ZNF74: variants seen among roughly 807,000 people sequenced by gnomAD.
The protein encoded by ZNF74 is zinc finger protein 74.
Under a neutral mutation model 17.7 loss-of-function variants are expected in ZNF74, and 12 were observed. That is an observed-to-expected ratio of 0.68 (90% CI 0.43 to 1.10). The LOEUF (loss-of-function observed/expected upper bound fraction) is 1.10. ZNF74 is among the 50% of genes least tolerant of loss of function. The probability of loss-of-function intolerance (pLI) is 0.00; values close to 1 mark genes in which losing one functional copy is unlikely to be tolerated. For synonymous variants in ZNF74, 358 were observed against 362.1 expected, an observed-to-expected ratio of 0.99 and a Z score of 0.13; for missense variants, 811 against 881.0, an observed-to-expected ratio of 0.92 and a Z score of 1.01.
rs1251232817 is a variant in ZNF74 at position 20,401,545 on chromosome 22, G to A, written c.343+173G>A. 1.3e-5 allele frequency among the ~76,000 whole-genome samples: 2 copies of A among 152,198 alleles called. No homozygotes were observed. The highest frequency in any genetic ancestry group is 2.4e-5 in the African/African-American group (1 of 41,444). ...AGCACGTACTGAGCACTGCCTGTGTGCTGAGACCTGTTCTGGGATACAACA... is the reference window on the plus strand; with the variant it reads ...AGCACGTACTGAGCACTGCCTGTGTACTGAGACCTGTTCTGGGATACAACA... On this transcript the variant is annotated intron_variant, in intron 4 of 4. Transcript: ENST00000400451. The surrounding 1 kb of genome is among the most constrained non-coding windows in gnomAD (Gnocchi z 4.2).
intron 4 of ZNF74, among the ~76,000 whole-genome samples, chr22:20,403,264 G>C (rs2052378768): frequency 1.3e-5 from 2 of 150,866 alleles, no homozygotes; most frequent in Admixed American, 1.3e-4. Flanking sequence ...CTGCAGCCCT[G>C]TGTCACTGAC....
chr22:20,397,329 AT>A (rs2146090589), intron 2 of ZNF74, among the ~76,000 whole-genome samples: 1 of 152,140 alleles, frequency 6.6e-6, no homozygotes, highest in African/African-American at 2.4e-5. Flanking sequence ...TGTTCTCAGC[AT>A]TTGTCCTCAT....
chr22:20,397,145 T>C (rs529953104), intron 2 of ZNF74, among the ~76,000 whole-genome samples: 3 of 151,482 alleles, frequency 2.0e-5, no homozygotes, highest in Non-Finnish European at 4.4e-5. Flanking sequence ...GGCACAATCA[T>C]AGCTCACTGC....
In ZNF74 at chr22:20,394,950, G is replaced by A. The variant is rs1184441188; in HGVS notation, c.34+288G>A. On this transcript the variant is annotated intron_variant, in intron 1 of 4. Coordinates refer to ENST00000400451, the MANE Select transcript of ZNF74 (RefSeq NM_003426.4). The stretch of plus-strand genomic sequence containing the variant: ...TAATGTTTGTATTTTTAGTAGAGAC[G>A]GGGTTTTGCCATGTTTCCCAGGCTG... The A allele has an allele frequency of 1.0e-5, 5 of 480,586 alleles. No individual in the cohort carries two copies. In the East Asian group the frequency reaches 1.5e-4, roughly 14 times the overall value. The allele number at this position is 480,586 out of a possible 1,614,324, so 29.8% of individuals were successfully genotyped here.
intron 4 of ZNF74, among the ~76,000 whole-genome samples, chr22:20,404,712 G>A (rs1296571779): frequency 2.0e-5 from 3 of 152,152 alleles, no homozygotes; most frequent in East Asian, 1.9e-4. Flanking sequence ...CATGCGTCTC[G>A]AGACAGAGAA....
In ZNF74 at chr22:20,394,304, C is replaced by A. The variant is rs1436627164; in HGVS notation, c.-325C>A. 3 of 704,410 alleles carry A rather than the reference C, an allele frequency of 4.3e-6. No homozygotes were observed. Among genetic ancestry groups the A allele is most frequent in the Non-Finnish European group, 5.3e-6 (2 of 380,222 alleles). The allele number at this position is 704,410 out of a possible 1,614,324, so 43.6% of individuals were successfully genotyped here. A position where few individuals can be genotyped will look rare whatever the true frequency, so the allele number is the denominator to read the frequency against. The stretch of plus-strand genomic sequence containing the variant: ...CGTCCGATGGCTCCTGGCCGCGGAA[C>A]CTTAGGCCTGGCCCTGGTCTCCGAG... On this transcript the variant is annotated 5_prime_UTR_variant, in exon 1 of 5. Coordinates refer to ENST00000400451, the MANE Select transcript of ZNF74 (RefSeq NM_003426.4).
In ZNF74 at chr22:20,401,896, ATCAGCGTCAGGGTCAGGGTCAACG is replaced by A. The variant is rs1339625841; in HGVS notation, c.343+531_343+554del. Among the ~76,000 whole-genome samples the A allele has an allele frequency of 4.7e-5, 7 of 147,862 alleles. No homozygotes were observed. The highest frequency in any genetic ancestry group is 3.3e-4 in the Admixed American group (5 of 15,142). On this transcript the variant is annotated intron_variant, in intron 4 of 4. Transcript: ENST00000400451. This position sits in a 1 kb window ranked among gnomAD's most constrained non-coding sequence, Gnocchi z 4.2. ...AGTCAGCATCAGCATTAGGGTCAGC[ATCAGCGTCAGGGTCAGGGTCAACG>A]TCAGCGAGGGCTTCCAGGCTGTGGC...
At position 20,406,452 on chromosome 22, in the gene ZNF74, G is replaced by A; in HGVS notation, c.1419G>A (p.Lys473=). 1 of 1,613,806 alleles carries A rather than the reference G, an allele frequency of 6.2e-7. No individual in the cohort carries two copies. Among genetic ancestry groups the A allele is most frequent in the Non-Finnish European group, 8.5e-7 (1 of 1,179,924 alleles). ...TCCACAGCGGCGAGAAGCCCTTCAA[G>A]TGCAACGAGTGCGGCAAAGCCTTCA... is the stretch of plus-strand genomic sequence containing the variant. ...RRIHSGEKPF[K]CNECGKAFSS... The change falls in exon 5 of 5, where the codon AAG becomes AAA. Residue 473 remains lysine, a synonymous_variant. Transcript: ENST00000400451.
At chr22:20,402,449 A>G (rs1300851499) in intron 4 of ZNF74, among the ~76,000 whole-genome samples, 2 of 152,184 alleles carry the variant, frequency 1.3e-5, no homozygotes, top group Non-Finnish European at 2.9e-5. Context: ...ACGGTTCTCT[A>G]ATAACTGACC....
rs143336262 is a variant in ZNF74 at position 20,406,728 on chromosome 22, C to T, written c.1695C>T (p.Phe565=). The change falls in exon 5 of 5, where the codon TTC becomes TTT. Residue 565 remains phenylalanine (F), a synonymous_variant. Coordinates refer to ENST00000400451, the MANE Select transcript of ZNF74 (RefSeq NM_003426.4). ...AGTGTGAGAAATGTGGGGAGATGTTCAACTGGAGCTCGCACCTCACTGAGC... is the reference window on the plus strand; with the variant it reads ...AGTGTGAGAAATGTGGGGAGATGTTTAACTGGAGCTCGCACCTCACTGAGC... The part of the protein sequence containing the change: ...SFKCEKCGEM[F]NWSSHLTEHQ... 1.3e-3 allele frequency: 2,142 copies of T among 1,614,148 alleles called. 21 individuals are homozygous for T. Among genetic ancestry groups the T allele is most frequent in the East Asian group, 8.7e-3 (389 of 44,882 alleles).
At chr22:20,396,566 C>CA (rs545700071) in intron 2 of ZNF74, among the ~76,000 whole-genome samples, 4 of 149,236 alleles carry the variant, frequency 2.7e-5, no homozygotes, top group South Asian at 2.1e-4. Flanking sequence ...AATGGTTCAG[C>CA]AAAAAAAAAT....
chr22:20,397,609 A>G (rs1309245202), intron 2 of ZNF74, among the ~76,000 whole-genome samples: 6 of 152,130 alleles, frequency 3.9e-5, no homozygotes, highest in African/African-American at 1.2e-4. Flanking sequence ...AGGATTTCAT[A>G]TGGAATTTAT....
At chr22:20,403,752 G>T (rs147512182) in intron 4 of ZNF74, among the ~76,000 whole-genome samples, 369 of 152,268 alleles carry the variant, frequency 2.4e-3, no homozygotes, top group Non-Finnish European at 4.5e-3. Flanking sequence ...CTGGACAACA[G>T]AGCGAGACTG....
intron 2 of ZNF74, 142 bp downstream of exon 2, chr22:20,395,560 C>A: frequency 1.7e-6 from 1 of 593,910 alleles, no homozygotes; most frequent in Non-Finnish European, 3.0e-6. Flanking sequence ...GGGAACAGCT[C>A]CAAGTGAAGA....
chr22:20,399,030 T>A (rs2052328713), intron 2 of ZNF74, among the ~76,000 whole-genome samples: 1 of 152,232 alleles, frequency 6.6e-6, no homozygotes, highest in South Asian at 2.1e-4. Context: ...CATCAAAGAA[T>A]GAACTTTGTG....
chr22:20,403,712 C>T (rs1466982197), intron 4 of ZNF74, among the ~76,000 whole-genome samples: 1 of 152,104 alleles, frequency 6.6e-6, no homozygotes, highest in Non-Finnish European at 1.5e-5. Context: ...GAGGCTGCAG[C>T]GAGCTGTGAT....
rs1050767392 is a variant in ZNF74, at chr22:20,401,368, TC to T, written c.341del (p.Pro114GlnfsTer5). 6.2e-7 allele frequency: 1 copy of T among 1,601,634 alleles called. No individual in the cohort carries two copies. The highest frequency in any genetic ancestry group is 1.3e-5 in the African/African-American group (1 of 74,640). The stretch of plus-strand genomic sequence containing the variant: ...AGAGGGAAGTCCCCAGAGGGCCCTG[TC>T]CAGGTGAGCAGAGGCACAGGTGGAA... ...MQREVPRGPC[P>X]EWELKAVPSQ... On this transcript the variant is annotated frameshift_variant, in exon 4 of 5. Coordinates refer to ENST00000400451, the MANE Select transcript of ZNF74 (RefSeq NM_003426.4). LOFTEE classifies it low-confidence loss of function (END_TRUNC). The surrounding 1 kb of genome is among the most constrained non-coding windows in gnomAD (Gnocchi z 4.2).
chr22:20,395,180 T>A, intron 1 of ZNF74, 153 bp from the exon 2 acceptor site: 1 of 607,274 alleles, frequency 1.6e-6, no homozygotes, highest in Non-Finnish European at 3.0e-6. Flanking sequence ...CGATGCTGTT[T>A]CTGTTGGTGC....
In ZNF74 at chr22:20,405,992, A is replaced by G. The variant is rs745500441; in HGVS notation, c.959A>G (p.Asn320Ser). 6.4e-7 allele frequency: 1 copy of G among 1,571,322 alleles called. No individual in the cohort carries two copies. The highest frequency in any genetic ancestry group is 1.5e-5 in the African/African-American group (1 of 68,568). Residue 320 changes from asparagine (N) to serine (S), a missense_variant, in exon 5 of 5, where the codon AAC (asparagine) becomes AGC (serine). By Grantham distance (46) the Asn-to-Ser change is conservative. Transcript: ENST00000400451. ...GKAFSCHSSL[N>S]VHQRIHTGER... is the part of the protein sequence containing the mutation. ...GCCTTCAGCTGCCACTCGTCCCTCA[A>G]CGTGCACCAGCGCATCCACACGGGC...
Sources: gnomAD v4.1 joint callset for allele counts (sites outside exome capture counted in the v4.1 genomes callset) on GRCh38, gnomAD v4.1.1 for gene constraint, Gnocchi (gnomAD v3.1) non-coding constraint, MANE v1.5 for transcripts, NCBI Gene and HGNC (gene_info 2026-07-23, HGNC 2026-07-21) for gene names.